The following SLC11A1 variants were observed in gnomAD, a reference collection of about 807,000 sequenced individuals.
SLC11A1 encodes the protein natural resistance-associated macrophage protein 1.
A neutral mutation model predicts 63.2 loss-of-function variants in SLC11A1; 59 were observed. The ratio of observed to expected loss-of-function variants is 0.93; its 90% CI spans 0.76 to 1.16. The LOEUF (loss-of-function observed/expected upper bound fraction) is 1.16. Among genes scored for constraint, SLC11A1 ranks in the 50% most tolerant of loss-of-function variants. The pLI is 0.00. For missense variants in SLC11A1, 688 were observed against 730.7 expected (o/e 0.94, Z 0.67); for synonymous variants, 305 against 307.8 (o/e 0.99, Z 0.09).
At chr2:218,389,229 G>A (rs1203171110) in intron 8 of SLC11A1, among the ~76,000 whole-genome samples, 2 of 152,056 alleles carry the variant, frequency 1.3e-5, no homozygotes, top group Admixed American at 6.5e-5. Flanking sequence ...ACAAGCGGAG[G>A]GAAAGCAAGT....
Position 218,392,964 on chromosome 2 carries a change from G to C in SLC11A1, c.1165-17G>C. 1 of 1,578,868 alleles carries C rather than the reference G, an allele frequency of 6.3e-7. No individual in the cohort carries two copies. The highest frequency in any genetic ancestry group is 8.6e-7 in the Non-Finnish European group (1 of 1,166,788). On this transcript the variant is annotated splice_polypyrimidine_tract_variant and intron_variant, in intron 11 of 14. Transcript: ENST00000233202. Reference sequence around the variant, plus strand: ...AGTCCTGTCTACTCCTCACCAAGGAGTTCACCCCCACCCCAGGGCTTCCTG... The same window carrying C: ...AGTCCTGTCTACTCCTCACCAAGGACTTCACCCCCACCCCAGGGCTTCCTG...
Position 218,395,226 on chromosome 2 carries a change from A to G in SLC11A1, c.*191A>G, listed in dbSNP as rs940112598. The G allele has an allele frequency of 1.7e-6, 1 of 585,870 alleles. No individual in the cohort carries two copies. The allele number at this position is 585,870 out of a possible 1,614,324, so 36.3% of individuals were successfully genotyped here. On this transcript the variant is annotated 3_prime_UTR_variant, in exon 15 of 15. Transcript: ENST00000233202. ...TCTGGGTCTCAGTGTCCTCATCTGT[A>G]AAATGGAGACACCACCACCCTTGCC...
In SLC11A1 at chr2:218,394,927, C is replaced by G. The variant is rs758829899; in HGVS notation, c.1545C>G (p.Val515=). 6 of 1,612,664 alleles carry G rather than the reference C, an allele frequency of 3.7e-6. No homozygotes were observed. In the Admixed American group the frequency reaches 8.3e-5, roughly 22 times the overall value. The change falls in exon 15 of 15, where the codon GTC becomes GTG. Residue 515 remains valine (V), a splice_region_variant and synonymous_variant. Transcript: ENST00000233202. ...ATTCATGGTTGCCCCTCCCCCAGGT[C>G]TGGACCTGTTGCCTTGCCCACGGAG... ...AAYLGLSTYL[V]WTCCLAHGAT...
At chr2:218,391,341 C>A in intron 10 of SLC11A1, 35 bp from the exon 11 acceptor site, 2 of 1,613,878 alleles carry the variant, frequency 1.2e-6, no homozygotes, top group Non-Finnish European at 1.7e-6. Flanking sequence ...CCGCCTCGGG[C>A]AGGGCCACCG....
Position 218,394,166 on chromosome 2 carries a change from C to G in SLC11A1, c.1361C>G (p.Thr454Ser), listed in dbSNP as rs752332718. 1 of 1,614,056 alleles carries G rather than the reference C, an allele frequency of 6.2e-7. No homozygotes were observed. The change falls in exon 13 of 15, where the codon ACC becomes AGC. Residue 454 changes from threonine to serine, a missense_variant. Transcript: ENST00000233202. ...LPILTFTSMP[T>S]LMQEFANGLL... The stretch of plus-strand genomic sequence containing the variant: ...ATCCTCACGTTCACCAGCATGCCCA[C>G]CCTCATGCAGGAGTTTGCCAATGGC...
intron 12 of SLC11A1, 130 bp from the exon 13 acceptor site, chr2:218,393,990 A>G (rs894128363): frequency 6.6e-6 from 5 of 757,712 alleles, no homozygotes; most frequent in Non-Finnish European, 1.1e-5. Flanking sequence ...ACGGGGAAGT[A>G]GGCTCAGTGT....
In SLC11A1 at chr2:218,386,622, C is replaced by A; in HGVS notation, c.394-13C>A. ...CGGCCCACCCTTAATGAAGGATCAT[C>A]TCCTCCCCATAGGTGCCCCGCACCG... On this transcript the variant is annotated splice_polypyrimidine_tract_variant and intron_variant, in intron 4 of 14. Coordinates refer to ENST00000233202, the MANE Select transcript of SLC11A1 (RefSeq NM_000578.4). 1 of 1,596,378 alleles carries A rather than the reference C, an allele frequency of 6.3e-7. No homozygotes were observed. The highest frequency in any genetic ancestry group is 8.6e-7 in the Non-Finnish European group (1 of 1,165,826).
chr2:218,394,980 AC>A lies in SLC11A1; in HGVS notation c.1600del (p.His534ThrfsTer30), dbSNP rs745698530. On this transcript the variant is annotated frameshift_variant, in exon 15 of 15. Transcript: ENST00000233202. LOFTEE classifies it low-confidence loss of function (END_TRUNC). Reference protein sequence around the residue: ...GATFLAHSSHHHFLYGLLEED... With the variant: ...GATFLAHSSHXHFLYGLLEED... ...ACCTTTCTGGCCCACAGCTCCCACC[AC>A]CACTTCCTGTATGGGCTCCTTGAAG... 18 of 1,613,142 alleles carry A rather than the reference AC, an allele frequency of 1.1e-5. No individual in the cohort carries two copies. The highest frequency in any genetic ancestry group is 1.4e-5 in the Non-Finnish European group (16 of 1,179,718).
rs566887065 is a variant in SLC11A1 at position 218,383,371 on chromosome 2, G to A, written c.150+269G>A. 1.1e-5 allele frequency: 5 copies of A among 468,350 alleles called. No homozygotes were observed. The East Asian group carries it at 1.8e-4, about 17-fold the overall frequency. The allele number at this position is 468,350 out of a possible 1,614,324, so 29.0% of individuals were successfully genotyped here. The stretch of plus-strand genomic sequence containing the variant: ...GGAAAAGAGGCCCAGGGGGAATTGG[G>A]ATTGGAGCCTTGAGGACATGTTATA... On this transcript the variant is annotated intron_variant, in intron 2 of 14. Transcript: ENST00000233202.
In SLC11A1 at chr2:218,395,352, C is replaced by A; in HGVS notation, c.*317C>A. ...ATTTATTGAGCACCTGCAGGCGTGA[C>A]CTGACAGCCCAAGGGTGGGTGGGGT... On this transcript the variant is annotated 3_prime_UTR_variant, in exon 15 of 15. Transcript: ENST00000233202. The A allele has an allele frequency of 3.4e-6, 1 of 294,782 alleles. No individual in the cohort carries two copies. Among genetic ancestry groups the A allele is most frequent in the Non-Finnish European group, 6.5e-6 (1 of 154,622 alleles). The allele number at this position is 294,782 out of a possible 1,614,324, so 18.3% of individuals were successfully genotyped here.
intron 8 of SLC11A1, chr2:218,388,173 T>C: frequency 3.7e-6 from 2 of 545,152 alleles, no homozygotes; most frequent in Admixed American, 3.7e-5. Context: ...ATCGACACCA[T>C]CCTGGTCAAC....
chr2:218,386,606 C>T lies in SLC11A1; in HGVS notation c.394-29C>T, dbSNP rs778524193. The T allele has an allele frequency of 2.0e-6, 3 of 1,529,748 alleles. No homozygotes were observed. In the South Asian group the frequency reaches 3.4e-5, roughly 17 times the overall value. The allele number at this position is 1,529,748 out of a possible 1,614,324, so 94.8% of individuals were successfully genotyped here. Reference sequence around the variant, plus strand: ...ACGACAGGCAAATAACCGGCCCACCCTTAATGAAGGATCATCTCCTCCCCA... The same window carrying T: ...ACGACAGGCAAATAACCGGCCCACCTTTAATGAAGGATCATCTCCTCCCCA... On this transcript the variant is annotated intron_variant, in intron 4 of 14. Transcript: ENST00000233202.
At chr2:218,394,062 AC>A in intron 12 of SLC11A1, 57 bp from the exon 13 acceptor site, 1 of 1,586,586 alleles carries the variant, frequency 6.3e-7, no homozygotes, top group Admixed American at 1.7e-5. Context: ...TCTTGCCCCC[AC>A]CCTTGCCATA....
Position 218,394,794 on chromosome 2 carries a change from G to A in SLC11A1, c.1542+9G>A, listed in dbSNP as rs1023579075. 3.1e-6 allele frequency: 5 copies of A among 1,611,308 alleles called. No individual in the cohort carries two copies. Among genetic ancestry groups the A allele is most frequent in the African/African-American group, 2.7e-5 (2 of 74,956 alleles). ...GCCTCAGCACCTACCTGGTACAGTA[G>A]GGCCAGGGGATGCCTTGGGAATGGA... is the stretch of plus-strand genomic sequence containing the variant. On this transcript the variant is annotated intron_variant, in intron 14 of 14. Coordinates refer to ENST00000233202, the MANE Select transcript of SLC11A1 (RefSeq NM_000578.4).
rs182331622 is a variant in SLC11A1 at position 218,382,871 on chromosome 2, C to T, written c.8-89C>T. ...AGGGACCTTAGTTTCTCCACTTTTCCGGGAGGAGGAGGGAAAGGATCAGGC... is the reference window on the plus strand; with the variant it reads ...AGGGACCTTAGTTTCTCCACTTTTCTGGGAGGAGGAGGGAAAGGATCAGGC... On this transcript the variant is annotated intron_variant, in intron 1 of 14. Coordinates refer to ENST00000233202, the MANE Select transcript of SLC11A1 (RefSeq NM_000578.4). 25 of 1,549,274 alleles carry T rather than the reference C, an allele frequency of 1.6e-5. No homozygotes were observed. The East Asian group carries it at 1.8e-4, about 11-fold the overall frequency.
At position 218,385,148 on chromosome 2, in the gene SLC11A1, T is replaced by C. The variant is rs1215659564; in HGVS notation, c.275T>C (p.Leu92Pro). The part of the protein sequence containing the change: ...LQAGAVAGFK[L>P]LWVLLWATVL... ...AGGCCTCTCCCTGCCTCCTCACAGCTTCTCTGGGTGCTGCTCTGGGCCACC... is the reference window on the plus strand; with the variant it reads ...AGGCCTCTCCCTGCCTCCTCACAGCCTCTCTGGGTGCTGCTCTGGGCCACC... Residue 92 changes from leucine (L) to proline (P), a missense_variant and splice_region_variant, in exon 4 of 15, where the codon CTT (leucine) becomes CCT (proline). Physicochemically the swap from Leu to Pro is moderately conservative, Grantham distance 98. Coordinates refer to ENST00000233202, the MANE Select transcript of SLC11A1 (RefSeq NM_000578.4). 6.2e-6 allele frequency: 10 copies of C among 1,613,614 alleles called. No homozygotes were observed. Among genetic ancestry groups the C allele is most frequent in the Non-Finnish European group, 8.5e-6 (10 of 1,179,750 alleles).
Position 218,385,175 on chromosome 2 carries a change from T to A in SLC11A1, c.302T>A (p.Val101Glu), listed in dbSNP as rs768772173. 4.3e-6 allele frequency: 7 copies of A among 1,613,864 alleles called. No individual in the cohort carries two copies. In the Admixed American group the frequency reaches 5.0e-5, roughly 12 times the overall value. ...KLLWVLLWATVLGLLCQRLAA... is the reference protein window; with the variant it reads ...KLLWVLLWATELGLLCQRLAA... Reference sequence around the variant, plus strand: ...CTCTGGGTGCTGCTCTGGGCCACCGTGTTGGGCTTGCTCTGCCAGCGACTG... The same window carrying A: ...CTCTGGGTGCTGCTCTGGGCCACCGAGTTGGGCTTGCTCTGCCAGCGACTG... Residue 101 changes from valine (V) to glutamate (E), a missense_variant, in exon 4 of 15, where the codon GTG (valine) becomes GAG (glutamate). Coordinates refer to ENST00000233202, the MANE Select transcript of SLC11A1 (RefSeq NM_000578.4).
intron 14 of SLC11A1, 32 bp from the exon 15 acceptor site, chr2:218,394,893 A>G (rs1390583709): frequency 6.2e-7 from 1 of 1,607,420 alleles, no homozygotes; most frequent in Admixed American, 1.7e-5. Flanking sequence ...AGGTCTTGGC[A>G]TCTCCCCAAT....
Position 218,384,452 on chromosome 2 carries a change from C to T in SLC11A1, c.273+87C>T. 1 of 1,474,880 alleles carries T rather than the reference C, an allele frequency of 6.8e-7. No homozygotes were observed. Among genetic ancestry groups the T allele is most frequent in the Middle Eastern group, 1.8e-4 (1 of 5,564 alleles). The allele number at this position is 1,474,880 out of a possible 1,614,324, so 91.4% of individuals were successfully genotyped here. A position where few individuals can be genotyped will look rare whatever the true frequency, so the allele number is the denominator to read the frequency against. On this transcript the variant is annotated intron_variant, in intron 3 of 14. Transcript: ENST00000233202. This position sits in a 1 kb window ranked among gnomAD's most constrained non-coding sequence, Gnocchi z 4.0. ...GAAGGCCCCTGCTGGCCATGTTTCTCCAATGTGGCCTGGGAGCTGGTGTTA... is the reference window on the plus strand; with the variant it reads ...GAAGGCCCCTGCTGGCCATGTTTCTTCAATGTGGCCTGGGAGCTGGTGTTA...
Sources: allele counts gnomAD v4.1 joint callset (sites outside exome capture counted in the v4.1 genomes callset), GRCh38; gene constraint gnomAD v4.1.1; non-coding constraint Gnocchi (gnomAD v3.1); transcripts MANE v1.5; gene names NCBI Gene and HGNC (gene_info 2026-07-23, HGNC 2026-07-21).